PALM2AKAP2: variants seen among roughly 807,000 people sequenced by gnomAD.
PALM2AKAP2 encodes PALM2 and AKAP2 fusion.
PALM2AKAP2 carries 37 observed loss-of-function variants against 71.5 expected under a neutral mutation model. The ratio of observed to expected loss-of-function variants is 0.52; its 90% CI spans 0.40 to 0.68. The LOEUF (loss-of-function observed/expected upper bound fraction) is 0.68, where lower values mean the gene tolerates loss of function less well. Among genes scored for constraint, PALM2AKAP2 ranks in the 30% least tolerant of loss-of-function variants. The pLI is 0.00. For missense variants in PALM2AKAP2, 1,224 were observed against 1,191.8 expected (o/e 1.03, Z -0.40); for synonymous variants, 468 against 478.8 (o/e 0.98, Z 0.29).
At chr9:110,046,847 G>A (rs897907038), upstream of PALM2AKAP2, among the ~76,000 whole-genome samples, 15 of 152,140 alleles carry the variant, frequency 9.9e-5, no homozygotes, top group African/African-American at 2.9e-4. Context: ...ATATGAGAAG[G>A]GAGTGATGAA....
intron 6 of PALM2AKAP2, among the ~76,000 whole-genome samples, chr9:109,961,697 C>G (rs1185222655): frequency 1.3e-5 from 2 of 152,200 alleles, no homozygotes; most frequent in African/African-American, 4.8e-5. Flanking sequence ...TTTATTGATG[C>G]CTTGGCAATT....
At chr9:109,879,944 T>C (rs1258348913) in intron 2 of PALM2AKAP2, among the ~76,000 whole-genome samples, 1 of 152,180 alleles carries the variant, frequency 6.6e-6, no homozygotes, top group Non-Finnish European at 1.5e-5. Context: ...GCAATCCTCC[T>C]GCCTCAGCCT....
At chr9:109,662,935 A>G (rs929707450) in intron 1 of PALM2AKAP2, among the ~76,000 whole-genome samples, 1 of 152,086 alleles carries the variant, frequency 6.6e-6, no homozygotes. Flanking sequence ...TTTCTTCTAG[A>G]TTTTCAAGTT....
At chr9:109,987,377 C>T (rs916358658) in intron 6 of PALM2AKAP2, among the ~76,000 whole-genome samples, 2 of 152,104 alleles carry the variant, frequency 1.3e-5, no homozygotes, top group East Asian at 1.9e-4. Context: ...GATTCGCCCA[C>T]CTCAGCCTCC....
intron 2 of PALM2AKAP2, among the ~76,000 whole-genome samples, chr9:110,146,915 T>G (rs1173774228): frequency 6.6e-6 from 1 of 152,186 alleles, no homozygotes; most frequent in East Asian, 1.9e-4. Context: ...TGTGTGTATC[T>G]AACTCACAAG....
intron 1 of PALM2AKAP2, among the ~76,000 whole-genome samples, chr9:110,057,621 G>A (rs1257266778): frequency 1.3e-5 from 2 of 151,572 alleles, no homozygotes; most frequent in African/African-American, 2.4e-5. Flanking sequence ...CTCATGATCC[G>A]CCTGCCTCGG....
At chr9:110,151,091 C>T (rs906517593) in intron 2 of PALM2AKAP2, among the ~76,000 whole-genome samples, 4 of 152,116 alleles carry the variant, frequency 2.6e-5, no homozygotes, top group African/African-American at 9.7e-5. Context: ...TGAACTTGGG[C>T]CAGAAAAGTT....
chr9:109,931,360 A>G (rs1452853042), intron 5 of PALM2AKAP2, among the ~76,000 whole-genome samples: 1 of 152,232 alleles, frequency 6.6e-6, no homozygotes, highest in Non-Finnish European at 1.5e-5. Context: ...CTGAAACACC[A>G]GCCTGCAGTA....
intron 7 of PALM2AKAP2, among the ~76,000 whole-genome samples, chr9:110,030,316 G>A (rs1833258111): frequency 6.6e-6 from 1 of 152,194 alleles, no homozygotes; most frequent in South Asian, 2.1e-4. Context: ...CTGTTCAGAT[G>A]TGTTGACAGA....
At chr9:109,878,858 C>T (rs1829777201) in intron 2 of PALM2AKAP2, among the ~76,000 whole-genome samples, 2 of 152,320 alleles carry the variant, frequency 1.3e-5, no homozygotes, top group African/African-American at 2.4e-5. Flanking sequence ...CTGTCTCAGC[C>T]TCCCAAGTAG....
In PALM2AKAP2 at chr9:109,950,679, A is replaced by C. The variant is rs145567892; in HGVS notation, c.496+18651A>C. On this transcript the variant is annotated intron_variant, in intron 6 of 9. Coordinates refer to the PALM2AKAP2 transcript ENST00000302798. ...CAAGGTTATATCTACTCCATTTTCA[A>C]GAGAAATAACCCCTCTGGTTCCCAT... Among the ~76,000 whole-genome samples, 758 of 152,320 alleles carry C rather than the reference A, an allele frequency of 5.0e-3. 6 individuals carry two copies. The highest frequency in any genetic ancestry group is 0.018 in the African/African-American group (730 of 41,572).
chr9:109,675,484 C>A (rs1021809354), intron 1 of PALM2AKAP2, among the ~76,000 whole-genome samples: 2 of 152,084 alleles, frequency 1.3e-5, no homozygotes, highest in Non-Finnish European at 2.9e-5. Context: ...TCTGAGTAGG[C>A]AAAAGTTGCC....
At position 109,725,632 on chromosome 9, in the gene PALM2AKAP2, G is replaced by T. The variant is rs762811099; in HGVS notation, c.6-54856G>T. Among the ~76,000 whole-genome samples, 7 of 152,236 alleles carry T rather than the reference G, an allele frequency of 4.6e-5. No homozygotes were observed. In the South Asian group the frequency reaches 1.5e-3, roughly 32 times the overall value. On this transcript the variant is annotated intron_variant, in intron 1 of 6. Transcript: ENST00000374531. ...TGGTTAAAGTATGATATATTTGTAC[G>T]CTAGAATACTATACAGGCATTAAAA...
chr9:110,111,043 T>C (rs1835236637), intron 1 of PALM2AKAP2, among the ~76,000 whole-genome samples: 2 of 150,940 alleles, frequency 1.3e-5, no homozygotes, highest in South Asian at 4.2e-4. Context: ...CAGAGTGAAA[T>C]CAAGAAGCAT....
intron 1 of PALM2AKAP2, among the ~76,000 whole-genome samples, chr9:110,094,160 C>G (rs1426721041): frequency 6.6e-6 from 1 of 152,218 alleles, no homozygotes; most frequent in East Asian, 1.9e-4. Flanking sequence ...TTGTTGGATA[C>G]ATCTGTTTTT....
At chr9:110,099,134 T>A (rs1019745208) in intron 1 of PALM2AKAP2, among the ~76,000 whole-genome samples, 6 of 152,236 alleles carry the variant, frequency 3.9e-5, no homozygotes, top group African/African-American at 1.4e-4. Flanking sequence ...AAAATCTTAC[T>A]CATTCTTGAG....
At chr9:110,136,414 G>A (rs763678319) in exon 2 of PALM2AKAP2, 3 of 1,614,178 alleles carry the variant, frequency 1.9e-6, no homozygotes, top group Non-Finnish European at 2.5e-6. Context: ...TAGATGAGGT[G>A]CTAGAGGCCA....
At chr9:109,895,217 G>C (rs1240524333) in intron 3 of PALM2AKAP2, among the ~76,000 whole-genome samples, 1 of 152,224 alleles carries the variant, frequency 6.6e-6, no homozygotes, top group Admixed American at 6.5e-5. Context: ...AGAATGACTG[G>C]TTTCCTTGAA....
upstream of PALM2AKAP2, among the ~76,000 whole-genome samples, chr9:109,776,624 C>A (rs530946008): frequency 2.0e-5 from 3 of 152,226 alleles, no homozygotes; most frequent in Non-Finnish European, 4.4e-5. Flanking sequence ...TGTCTGATAC[C>A]TCCCAGCTTC....
Sources: gnomAD v4.1 joint callset for allele counts (sites outside exome capture counted in the v4.1 genomes callset) on GRCh38, gnomAD v4.1.1 for gene constraint, MANE v1.5 for transcripts, NCBI Gene and HGNC (gene_info 2026-07-23, HGNC 2026-07-21) for gene names.